Variants in VAV3 observed in about 807,000 individuals in gnomAD.
VAV3 encodes the protein vav guanine nucleotide exchange factor 3.
A neutral mutation model predicts 131.2 loss-of-function variants in VAV3; 94 were observed. The observed-to-expected ratio is 0.72, with a 90% confidence interval of 0.61 to 0.85. VAV3 has a LOEUF of 0.85. Ranked by LOEUF, VAV3 falls within the 40% of genes least tolerant of loss-of-function variation. The pLI, the probability that VAV3 is intolerant of heterozygous loss-of-function variation, is 0.00. For synonymous variants in VAV3, 349 were observed against 342.0 expected (o/e 1.02, Z -0.22); for missense variants, 939 against 1,002.7 (o/e 0.94, Z 0.86).
At chr1:107,597,888 C>T (rs954768974) in intron 24 of VAV3, among the ~76,000 whole-genome samples, 1 of 152,134 alleles carries the variant, frequency 6.6e-6, no homozygotes, top group Non-Finnish European at 1.5e-5. Context: ...CTTTACATGG[C>T]TCCTTATAAC....
In VAV3 at chr1:107,571,804, A is replaced by G. The variant is rs1292203844; in HGVS notation, c.*1527T>C. 2.0e-5 allele frequency: 3 copies of G among 152,788 alleles called. No individual in the cohort carries two copies. The highest frequency in any genetic ancestry group is 3.9e-4 in the East Asian group (2 of 5,184). 9.5% of individuals were successfully genotyped at this position (152,788 alleles called of 1,614,324 possible). On this transcript the variant is annotated 3_prime_UTR_variant, in exon 27 of 27. Coordinates refer to ENST00000370056, the MANE Select transcript of VAV3 (RefSeq NM_006113.5). ...GGTAAAGGTCTTGAATCTATCCTAG[A>G]TGAAAAGTCCTAGCCCATGAGGGTC...
In VAV3 at chr1:107,764,973, A is replaced by G. The variant is rs1454503822; in HGVS notation, c.921+103T>C. On this transcript the variant is annotated intron_variant, in intron 9 of 26. Transcript: ENST00000370056. ...TTTTATAAAATTGACATGAAATTAT[A>G]TTTAAAATAATGGGAAATGTACTGC... 7.2e-6 allele frequency: 5 copies of G among 695,150 alleles called. No individual in the cohort carries two copies. The African/African-American group carries it at 9.1e-5, about 13-fold the overall frequency. 43.1% of individuals were successfully genotyped at this position (695,150 alleles called of 1,614,324 possible).
intron 17 of VAV3, among the ~76,000 whole-genome samples, chr1:107,688,896 T>C (rs1659220056): frequency 6.6e-6 from 1 of 152,182 alleles, no homozygotes; most frequent in East Asian, 1.9e-4. Flanking sequence ...ACTTTTATTT[T>C]TAATTTTGGC....
chr1:107,892,335 T>G (rs1315229302), intron 1 of VAV3, among the ~76,000 whole-genome samples: 1 of 152,182 alleles, frequency 6.6e-6, no homozygotes, highest in Non-Finnish European at 1.5e-5. Flanking sequence ...CATTACGTAC[T>G]AGGTACCACT....
At chr1:107,620,671 T>C (rs1430815187) in intron 20 of VAV3, among the ~76,000 whole-genome samples, 1 of 152,178 alleles carries the variant, frequency 6.6e-6, no homozygotes, top group Non-Finnish European at 1.5e-5. Context: ...AAAATATTCA[T>C]ATAGTGACAT....
intron 19 of VAV3, among the ~76,000 whole-genome samples, chr1:107,643,234 G>T (rs962910349): frequency 6.6e-6 from 1 of 152,092 alleles, no homozygotes; most frequent in East Asian, 1.9e-4. Context: ...TAATTCAAAA[G>T]CAAAAAGGTG....
At chr1:107,739,498 T>C (rs1168899424) in intron 15 of VAV3, among the ~76,000 whole-genome samples, 1 of 152,154 alleles carries the variant, frequency 6.6e-6, no homozygotes, top group African/African-American at 2.4e-5. Flanking sequence ...TTAATGTGAA[T>C]AGGTCAGCAC....
chr1:107,670,324 C>T (rs1315225506), intron 19 of VAV3, among the ~76,000 whole-genome samples: 1 of 152,162 alleles, frequency 6.6e-6, no homozygotes, highest in Admixed American at 6.5e-5. Flanking sequence ...AATCTGGATC[C>T]AGATCTCTCT....
At chr1:107,766,626 A>G in intron 7 of VAV3, 76 bp from the exon 8 acceptor site, 1 of 1,117,738 alleles carries the variant, frequency 8.9e-7, no homozygotes, top group Non-Finnish European at 1.3e-6. Context: ...GAATCCTTTT[A>G]GTTGCTAGAC....
At position 107,924,411 on chromosome 1, in the gene VAV3, G is replaced by A. The variant is rs1429553015; in HGVS notation, c.204+40255C>T. Among the ~76,000 whole-genome samples the A allele has an allele frequency of 2.7e-5, 4 of 148,866 alleles. No individual in the cohort carries two copies. The East Asian group carries it at 7.9e-4, about 29-fold the overall frequency. ...TTATGACAAAAAAAAAAAAAACCCT[G>A]TAAACACTCAATTTAAAAGAAATAG... On this transcript the variant is annotated intron_variant, in intron 1 of 26. Transcript: ENST00000370056.
intron 15 of VAV3, among the ~76,000 whole-genome samples, chr1:107,732,642 C>A (rs946853958): frequency 2.6e-5 from 4 of 152,182 alleles, no homozygotes; most frequent in African/African-American, 9.7e-5. Flanking sequence ...AGCTGCAAGG[C>A]GGCAGACTGG....
intron 25 of VAV3, among the ~76,000 whole-genome samples, chr1:107,594,360 CGAAT>C (rs1651202974): frequency 6.6e-6 from 1 of 151,910 alleles, no homozygotes; most frequent in Admixed American, 6.6e-5. Flanking sequence ...ATCTGTTTAA[CGAAT>C]GAATGAATAA....
chr1:107,748,660 G>C (rs745836293), intron 15 of VAV3, among the ~76,000 whole-genome samples: 2 of 152,088 alleles, frequency 1.3e-5, no homozygotes, highest in East Asian at 1.9e-4. Context: ...TTTATCATTA[G>C]AATAATTAAT....
At chr1:107,721,218 G>C (rs1450773217) in intron 15 of VAV3, among the ~76,000 whole-genome samples, 2 of 152,174 alleles carry the variant, frequency 1.3e-5, no homozygotes, top group African/African-American at 4.8e-5. Context: ...CAGCTATGGT[G>C]GGGGAGGAAA....
At chr1:107,680,200 T>G (rs1658504603) in intron 19 of VAV3, among the ~76,000 whole-genome samples, 1 of 151,654 alleles carries the variant, frequency 6.6e-6, no homozygotes, top group African/African-American at 2.4e-5. Context: ...GCTTCTTTAT[T>G]GCAATAACAA....
At chr1:107,948,603 G>A (rs1466207717) in intron 1 of VAV3, among the ~76,000 whole-genome samples, 1 of 152,184 alleles carries the variant, frequency 6.6e-6, no homozygotes, top group Non-Finnish European at 1.5e-5. Context: ...CAACACTTTG[G>A]GAGGCCGAGG....
At chr1:107,582,336 G>C (rs910598728) in intron 25 of VAV3, among the ~76,000 whole-genome samples, 1 of 152,132 alleles carries the variant, frequency 6.6e-6, no homozygotes. Flanking sequence ...CATAGACAGA[G>C]TATCAACTAT....
intron 15 of VAV3, among the ~76,000 whole-genome samples, chr1:107,716,905 T>A (rs964798902): frequency 2.0e-5 from 3 of 152,208 alleles, no homozygotes; most frequent in Non-Finnish European, 2.9e-5. Context: ...AATTATTGCC[T>A]CAATTTCACA....
intron 2 of VAV3, among the ~76,000 whole-genome samples, chr1:107,805,476 G>A (rs1480137530): frequency 1.3e-5 from 2 of 152,136 alleles, no homozygotes; most frequent in Non-Finnish European, 2.9e-5. Flanking sequence ...CTCAGCAAAT[G>A]TATTTCTCAG....
Sources: allele counts gnomAD v4.1 joint callset (sites outside exome capture counted in the v4.1 genomes callset), GRCh38; gene constraint gnomAD v4.1.1; transcripts MANE v1.5; gene names NCBI Gene and HGNC (gene_info 2026-07-23, HGNC 2026-07-21).